Variants in GRID2 observed in about 807,000 individuals in gnomAD.
GRID2 encodes glutamate ionotropic receptor delta type subunit 2.
In GRID2, 33 loss-of-function variants were observed where a neutral mutation model predicts 114.8. The ratio of observed to expected loss-of-function variants is 0.29; its 90% CI spans 0.22 to 0.38. The LOEUF is 0.38. Among genes scored for constraint, GRID2 ranks in the 10% least tolerant of loss-of-function variants. The pLI, the probability that GRID2 is intolerant of heterozygous loss-of-function variation, is 1.00. For missense variants in GRID2, 1,184 were observed against 1,257.7 expected (o/e 0.94, Z 0.89); for synonymous variants, 505 against 449.9 (o/e 1.12, Z -1.55).
chr4:92,938,064 AT>A (rs1183002740), intron 2 of GRID2, among the ~76,000 whole-genome samples: 2 of 146,654 alleles, frequency 1.4e-5, no homozygotes, highest in South Asian at 2.3e-4. Context: ...ATAATGTTAG[AT>A]TTTTTTAAAT....
chr4:93,019,345 CT>C (rs1338048435), intron 2 of GRID2, among the ~76,000 whole-genome samples: 1 of 151,968 alleles, frequency 6.6e-6, no homozygotes, highest in African/African-American at 2.4e-5. Flanking sequence ...TTTTTGTTTT[CT>C]TGTCAGTTTG....
chr4:93,501,011 G>C (rs1250743900), intron 12 of GRID2, among the ~76,000 whole-genome samples: 1 of 151,874 alleles, frequency 6.6e-6, no homozygotes. Context: ...GCATATTCTT[G>C]AGGGTTGTTT....
At chr4:92,634,507 G>A (rs902957607) in intron 2 of GRID2, among the ~76,000 whole-genome samples, 1 of 151,966 alleles carries the variant, frequency 6.6e-6, no homozygotes, top group African/African-American at 2.4e-5. Context: ...TTATAATGCT[G>A]CAAAGACATA....
chr4:92,913,200 T>C (rs538584715), intron 2 of GRID2, among the ~76,000 whole-genome samples: 9 of 151,880 alleles, frequency 5.9e-5, no homozygotes, highest in Admixed American at 5.9e-4. Flanking sequence ...TTTGTGAATA[T>C]CAAGTTTGAA....
At chr4:92,309,357 T>C (rs1198397675) in intron 1 of GRID2, among the ~76,000 whole-genome samples, 2 of 152,014 alleles carry the variant, frequency 1.3e-5, no homozygotes, top group Non-Finnish European at 2.9e-5. Context: ...AAGTAAGATA[T>C]TCACATTTCT....
chr4:93,726,021 G>C (rs1035282104), intron 14 of GRID2, among the ~76,000 whole-genome samples: 1 of 152,176 alleles, frequency 6.6e-6, no homozygotes, highest in African/African-American at 2.4e-5. Context: ...GGCTTTGGTT[G>C]CCATTGCTTT....
chr4:93,555,064 G>A (rs1734173568), intron 13 of GRID2, among the ~76,000 whole-genome samples: 1 of 152,138 alleles, frequency 6.6e-6, no homozygotes, highest in Non-Finnish European at 1.5e-5. Flanking sequence ...ATAAAGAACG[G>A]TGCACTGTGG....
At chr4:92,805,510 T>C (rs1578214785) in intron 2 of GRID2, among the ~76,000 whole-genome samples, 1 of 152,084 alleles carries the variant, frequency 6.6e-6, no homozygotes, top group East Asian at 1.9e-4. Context: ...CAAATGTATA[T>C]GATCAGCGAT....
chr4:93,725,204 A>G (rs1307233044), intron 14 of GRID2, among the ~76,000 whole-genome samples: 3 of 151,928 alleles, frequency 2.0e-5, no homozygotes, highest in Non-Finnish European at 2.9e-5. Flanking sequence ...TCATTGTTCA[A>G]TTCCCACCTG....
At chr4:92,746,982 C>T (rs187117031) in intron 2 of GRID2, among the ~76,000 whole-genome samples, 3 of 152,016 alleles carry the variant, frequency 2.0e-5, no homozygotes, top group Admixed American at 1.3e-4. Flanking sequence ...AAGTGTACTG[C>T]CTTTTCATTA....
At chr4:92,544,356 C>T (rs1465573287) in intron 1 of GRID2, among the ~76,000 whole-genome samples, 3 of 152,058 alleles carry the variant, frequency 2.0e-5, no homozygotes, top group Non-Finnish European at 4.4e-5. Context: ...CTGTTTGAGT[C>T]GTACAACTGG....
chr4:93,235,610 C>T (rs1561023266), intron 7 of GRID2, among the ~76,000 whole-genome samples: 1 of 152,064 alleles, frequency 6.6e-6, no homozygotes, highest in Non-Finnish European at 1.5e-5. Context: ...AAATACTGAC[C>T]TCTGAATCAT....
intron 1 of GRID2, among the ~76,000 whole-genome samples, chr4:92,402,479 A>T (rs1437737264): frequency 6.6e-6 from 1 of 152,212 alleles, no homozygotes; most frequent in Admixed American, 6.5e-5. Context: ...CATGGGCTGA[A>T]GTATGGATAT....
chr4:93,362,959 C>T lies in GRID2; in HGVS notation c.1246-32648C>T, dbSNP rs958161548. ...CTGCAGCGGGGCACGGTGGCTCACA[C>T]CTGTGATCCCAGCACTTTGACAGGC... is the stretch of plus-strand genomic sequence containing the variant. On this transcript the variant is annotated intron_variant, in intron 8 of 15. Coordinates refer to ENST00000282020, the MANE Select transcript of GRID2 (RefSeq NM_001510.4). Among the ~76,000 whole-genome samples the T allele has an allele frequency of 9.9e-5, 15 of 152,266 alleles. No individual in the cohort carries two copies. In the South Asian group the frequency reaches 1.7e-3, roughly 17 times the overall value.
chr4:93,205,353 C>T (rs1174361512), intron 4 of GRID2, among the ~76,000 whole-genome samples: 7 of 151,990 alleles, frequency 4.6e-5, no homozygotes, highest in Non-Finnish European at 8.8e-5. Flanking sequence ...GTCCCCTTCC[C>T]GTGTCCATGT....
intron 3 of GRID2, among the ~76,000 whole-genome samples, chr4:93,106,666 A>G (rs1303090395): frequency 6.6e-6 from 1 of 152,202 alleles, no homozygotes; most frequent in Non-Finnish European, 1.5e-5. Flanking sequence ...GCTCATAAAG[A>G]GCATGGCTCT....
intron 2 of GRID2, among the ~76,000 whole-genome samples, chr4:92,727,285 G>A (rs763633007): frequency 6.6e-5 from 10 of 151,948 alleles, no homozygotes; most frequent in Admixed American, 2.6e-4. Flanking sequence ...GGGTTTCTTT[G>A]CTAACAGAAT....
At chr4:93,091,624 CT>C (rs1399221010) in intron 3 of GRID2, among the ~76,000 whole-genome samples, 1 of 152,102 alleles carries the variant, frequency 6.6e-6, no homozygotes, top group African/African-American at 2.4e-5. Flanking sequence ...GTGATGTCAT[CT>C]TTTTTCTCAA....
intron 2 of GRID2, among the ~76,000 whole-genome samples, chr4:92,764,799 G>C: frequency 6.6e-6 from 1 of 152,082 alleles, no homozygotes; most frequent in African/African-American, 2.4e-5. Context: ...TATCTATTGA[G>C]TAAATAAACA....
Sources: allele counts gnomAD v4.1 joint callset (sites outside exome capture counted in the v4.1 genomes callset), GRCh38; gene constraint gnomAD v4.1.1; transcripts MANE v1.5; gene names NCBI Gene and HGNC (gene_info 2026-07-23, HGNC 2026-07-21).